CUX1: variants seen among roughly 807,000 people sequenced by gnomAD.
CUX1 encodes the protein protein CASP.
A neutral mutation model predicts 158.8 loss-of-function variants in CUX1; 31 were observed. That is an observed-to-expected ratio of 0.20 (90% CI 0.15 to 0.26). The LOEUF is 0.26. Ranked by LOEUF, CUX1 falls within the 10% of genes least tolerant of loss-of-function variation. The pLI, the probability that CUX1 is intolerant of heterozygous loss-of-function variation, is 1.00. For missense variants in CUX1, 1,589 were observed against 2,014.6 expected, an observed-to-expected ratio of 0.79 and a Z score of 4.04; for synonymous variants, 879 against 862.1, an observed-to-expected ratio of 1.02 and a Z score of -0.34.
chr7:102,030,360 A>G (rs1214995949), intron 3 of CUX1, among the ~76,000 whole-genome samples: 2 of 151,174 alleles, frequency 1.3e-5, no homozygotes. Flanking sequence ...ATTTCACCCC[A>G]TGTACCTCCC....
intron 7 of CUX1, among the ~76,000 whole-genome samples, chr7:102,114,792 G>T (rs143535266): frequency 6.6e-6 from 1 of 152,164 alleles, no homozygotes. Context: ...GAGGCAAGAG[G>T]ATGGCTTGAG....
chr7:102,070,489 T>A, intron 4 of CUX1, 72 bp downstream of exon 4: 1 of 1,161,256 alleles, frequency 8.6e-7, no homozygotes. Flanking sequence ...TTTGGCTCAT[T>A]CTTCTTGGCT....
At chr7:102,005,945 G>A (rs899363521) in intron 2 of CUX1, among the ~76,000 whole-genome samples, 7 of 152,208 alleles carry the variant, frequency 4.6e-5, no homozygotes, top group African/African-American at 2.4e-5. Flanking sequence ...GAAAGGTCAC[G>A]AGGAGCGAGC....
At chr7:102,222,811 C>CTTGTTTTTTTTTTTT (rs1797942388) in intron 20 of CUX1, among the ~76,000 whole-genome samples, 1 of 25,510 alleles carries the variant, frequency 3.9e-5, no homozygotes, top group Non-Finnish European at 6.3e-5. Context: ...GGCACCGTAT[C>CTTGTTTTTTTTTTTT]TTTTTTTTTT....
chr7:101,945,676 G>A (rs1808279640), intron 2 of CUX1, among the ~76,000 whole-genome samples: 1 of 152,202 alleles, frequency 6.6e-6, no homozygotes, highest in Non-Finnish European at 1.5e-5. Context: ...GATGGCAAGA[G>A]GAGTAGGGAC....
intron 12 of CUX1, 52 bp downstream of exon 12, chr7:102,189,923 A>T: frequency 6.3e-7 from 1 of 1,590,460 alleles, no homozygotes; most frequent in Non-Finnish European, 8.6e-7. Context: ...CATTAGGGCC[A>T]TCTGCTAACA....
chr7:102,119,258 C>T (rs950989022), intron 8 of CUX1, among the ~76,000 whole-genome samples: 1 of 148,488 alleles, frequency 6.7e-6, no homozygotes, highest in Non-Finnish European at 1.5e-5. Context: ...GTCTGTCTGT[C>T]GTGGGGAGAT....
At chr7:101,917,627 T>C (rs1804373366) in intron 2 of CUX1, among the ~76,000 whole-genome samples, 2 of 152,200 alleles carry the variant, frequency 1.3e-5, no homozygotes. Context: ...CAGAACGTCC[T>C]TCTTCTGTTG....
At chr7:101,893,183 TTTA>T (rs1462069927) in intron 1 of CUX1, among the ~76,000 whole-genome samples, 10 of 89,364 alleles carry the variant, frequency 1.1e-4, no homozygotes, top group African/African-American at 1.5e-4. Flanking sequence ...TTTTTTTTTT[TTTA>T]AAATAGAGAT....
At chr7:101,982,958 T>C (rs930138690) in intron 2 of CUX1, among the ~76,000 whole-genome samples, 11 of 144,862 alleles carry the variant, frequency 7.6e-5, no homozygotes, top group African/African-American at 2.8e-4. Context: ...CTGGGTGGTG[T>C]CAGGACACCC....
intron 6 of CUX1, among the ~76,000 whole-genome samples, chr7:102,110,882 G>A (rs940498318): frequency 1.3e-5 from 2 of 152,136 alleles, no homozygotes; most frequent in Non-Finnish European, 2.9e-5. Flanking sequence ...GGAATAGTAA[G>A]ACTCTTTCAC....
At chr7:102,167,313 T>C (rs1434723056) in intron 9 of CUX1, among the ~76,000 whole-genome samples, 2 of 150,888 alleles carry the variant, frequency 1.3e-5, no homozygotes, top group African/African-American at 2.4e-5. Context: ...AATTATGCAA[T>C]CAGAAATTGA....
intron 4 of CUX1, among the ~76,000 whole-genome samples, chr7:102,082,438 ATTAC>A (rs1827525013): frequency 6.8e-6 from 1 of 146,982 alleles, no homozygotes; most frequent in African/African-American, 2.4e-5. Flanking sequence ...ACGCAGGAGA[ATTAC>A]TTGAACCCAG....
intron 2 of CUX1, among the ~76,000 whole-genome samples, chr7:102,014,735 C>T (rs1818398371): frequency 6.6e-6 from 1 of 151,852 alleles, no homozygotes; most frequent in Admixed American, 6.6e-5. Flanking sequence ...CCAAGTTGCC[C>T]CCTAAGTTAC....
intron 1 of CUX1, among the ~76,000 whole-genome samples, chr7:101,856,182 C>CAA (rs768518044): frequency 0.015 from 713 of 46,770 alleles, 9 homozygotes; most frequent in African/African-American, 0.037. Context: ...GACCCTGTCT[C>CAA]AAAAAAAAAA....
At chr7:101,822,045 G>A (rs1361052913) in intron 1 of CUX1, among the ~76,000 whole-genome samples, 1 of 151,822 alleles carries the variant, frequency 6.6e-6, no homozygotes, top group African/African-American at 2.4e-5. Context: ...TAGTTGAGAC[G>A]AGGTTTCACT....
intron 2 of CUX1, among the ~76,000 whole-genome samples, chr7:101,948,345 G>A (rs547428960): frequency 6.6e-6 from 1 of 152,282 alleles, no homozygotes; most frequent in South Asian, 2.1e-4. Context: ...CTCTTAAGCG[G>A]AAAACTGTCT....
At chr7:102,026,742 C>T (rs1051362676) in intron 2 of CUX1, among the ~76,000 whole-genome samples, 2 of 147,786 alleles carry the variant, frequency 1.4e-5, no homozygotes, top group Non-Finnish European at 3.0e-5. Context: ...ATCACTTGAA[C>T]CTGGGAGGTG....
rs782425911 is a variant in CUX1 at position 102,205,184 on chromosome 7, T to C, written c.3130+14T>C. The C allele has an allele frequency of 6.3e-7, 1 of 1,595,438 alleles. No individual in the cohort carries two copies. Among genetic ancestry groups the C allele is most frequent in the Admixed American group, 1.7e-5 (1 of 59,994 alleles). On this transcript the variant is annotated intron_variant, in intron 20 of 23. Transcript: ENST00000292535. ...GTGTGAGCTCAGGTAAGCAGCCAGT[T>C]TCTGTTGCTTTTGCATGAAATGTCT...
Sources: gnomAD v4.1 joint callset for allele counts (sites outside exome capture counted in the v4.1 genomes callset) on GRCh38, gnomAD v4.1.1 for gene constraint, MANE v1.5 for transcripts, NCBI Gene and HGNC (gene_info 2026-07-23, HGNC 2026-07-21) for gene names.